The following GRIK4 variants were observed in gnomAD, a reference collection of about 807,000 sequenced individuals.
The protein encoded by GRIK4 is glutamate receptor ionotropic, kainate 4.
A neutral mutation model predicts 104.9 loss-of-function variants in GRIK4; 40 were observed. That is an observed-to-expected ratio of 0.38 (90% CI 0.30 to 0.50). GRIK4 has a LOEUF of 0.50. GRIK4 is among the 20% of genes least tolerant of loss of function. The pLI is 0.93. For synonymous variants in GRIK4, 485 were observed against 524.9 expected, an observed-to-expected ratio of 0.92 and a Z score of 1.04; for missense variants, 1,047 against 1,308.1, an observed-to-expected ratio of 0.80 and a Z score of 3.08.
At chr11:120,642,544 C>T (rs868528440) in intron 1 of GRIK4, among the ~76,000 whole-genome samples, 8 of 151,526 alleles carry the variant, frequency 5.3e-5, no homozygotes, top group African/African-American at 7.3e-5. Flanking sequence ...AGCTCCCTTC[C>T]GGATGTGAGG....
intron 3 of GRIK4, among the ~76,000 whole-genome samples, chr11:120,692,496 G>T (rs1265292868): frequency 6.6e-6 from 1 of 152,172 alleles, no homozygotes; most frequent in Admixed American, 6.5e-5. Context: ...TTTGCACTGT[G>T]GAGCCCGGGG....
intron 1 of GRIK4, among the ~76,000 whole-genome samples, chr11:120,542,373 T>C (rs1948046154): frequency 6.6e-6 from 1 of 152,114 alleles, no homozygotes; most frequent in African/African-American, 2.4e-5. Context: ...ATAGGGAAAA[T>C]GGTCCTTCAC....
intron 3 of GRIK4, among the ~76,000 whole-genome samples, chr11:120,697,200 G>A (rs546783018): frequency 6.6e-6 from 1 of 152,354 alleles, no homozygotes; most frequent in East Asian, 1.9e-4. Context: ...GGGACCATGA[G>A]AGAGAGCCTT....
chr11:120,580,208 T>G (rs1948553409), intron 1 of GRIK4, among the ~76,000 whole-genome samples: 1 of 117,898 alleles, frequency 8.5e-6, no homozygotes, highest in Non-Finnish European at 1.6e-5. Flanking sequence ...TCTTTCTTTC[T>G]TTCTTTCTTT....
At chr11:120,791,687 G>A (rs1443759033) in intron 3 of GRIK4, among the ~76,000 whole-genome samples, 1 of 152,138 alleles carries the variant, frequency 6.6e-6, no homozygotes, top group Non-Finnish European at 1.5e-5. Context: ...CTAACTCAAA[G>A]ATTTTCTTCT....
intron 3 of GRIK4, among the ~76,000 whole-genome samples, chr11:120,793,094 G>A (rs1296665839): frequency 1.3e-5 from 2 of 152,182 alleles, no homozygotes; most frequent in African/African-American, 4.8e-5. Context: ...AAGTCGTATT[G>A]CCAGCTAGTG....
intron 3 of GRIK4, among the ~76,000 whole-genome samples, chr11:120,676,079 G>C (rs1227448527): frequency 6.6e-6 from 1 of 152,102 alleles, no homozygotes; most frequent in African/African-American, 2.4e-5. Context: ...ATAGGATGGG[G>C]GGCCCCATTT....
chr11:120,950,628 T>C (rs1943978565), intron 14 of GRIK4, among the ~76,000 whole-genome samples: 1 of 152,190 alleles, frequency 6.6e-6, no homozygotes, highest in Non-Finnish European at 1.5e-5. Flanking sequence ...ACACTAGTGA[T>C]TTCTATTGCA....
chr11:120,593,099 C>T (rs925425821), intron 1 of GRIK4, among the ~76,000 whole-genome samples: 1 of 149,200 alleles, frequency 6.7e-6, no homozygotes, highest in African/African-American at 2.5e-5. Context: ...GGGAGAATCG[C>T]TTGAACCCGG....
intron 1 of GRIK4, among the ~76,000 whole-genome samples, chr11:120,644,011 C>CTG (rs369374873): frequency 0.026 from 3,139 of 122,562 alleles, 96 homozygotes; most frequent in African/African-American, 0.091. Context: ...GGGAGAGGGT[C>CTG]TGTGTGTGTG....
chr11:120,962,947 T>C (rs1482882660), intron 18 of GRIK4: 2 of 334,868 alleles, frequency 6.0e-6, no homozygotes, highest in Non-Finnish European at 1.1e-5. Flanking sequence ...TTTAAAGGGC[T>C]AATAGTAATT....
In GRIK4 at chr11:120,569,664, A is replaced by G. The variant is rs967914183; in HGVS notation, c.-159+57777A>G. Among the ~76,000 whole-genome samples, 3 of 152,184 alleles carry G rather than the reference A, an allele frequency of 2.0e-5. No individual in the cohort carries two copies. In the East Asian group the frequency reaches 5.8e-4, roughly 29 times the overall value. On this transcript the variant is annotated intron_variant, in intron 1 of 20. Transcript: ENST00000527524. ...GATGCGTAGAGTGACTTTGGGGAGA[A>G]GGGTAGGGTCATTAGCCAGGGAACA... is the stretch of plus-strand genomic sequence containing the variant.
At chr11:120,615,547 C>A (rs1223625750) in intron 1 of GRIK4, among the ~76,000 whole-genome samples, 1 of 152,202 alleles carries the variant, frequency 6.6e-6, no homozygotes, top group Non-Finnish European at 1.5e-5. Context: ...GCTGCCCGGG[C>A]TCTGGCTCTC....
chr11:120,805,311 G>A (rs1285574680), intron 4 of GRIK4, among the ~76,000 whole-genome samples: 10 of 152,120 alleles, frequency 6.6e-5, no homozygotes, highest in Non-Finnish European at 7.3e-5. Context: ...TCTCTTCTCG[G>A]TTCTTCAGGG....
chr11:120,515,212 C>G (rs1947711626), intron 1 of GRIK4, among the ~76,000 whole-genome samples: 1 of 152,164 alleles, frequency 6.6e-6, no homozygotes, highest in Non-Finnish European at 1.5e-5. Context: ...CATATATTGC[C>G]CAGCCTTCAA....
intron 1 of GRIK4, among the ~76,000 whole-genome samples, chr11:120,644,011 CTGTGTGTGTGTGTGTGTG>C (rs369374873): frequency 1.6e-5 from 2 of 122,858 alleles, no homozygotes; most frequent in African/African-American, 7.6e-5. Flanking sequence ...GGGAGAGGGT[CTGTGTGTGTGTGTGTGTG>C]TGTGTGTGTG....
In GRIK4 at chr11:120,940,450, G is replaced by A. The variant is rs766605944; in HGVS notation, c.1580G>A (p.Arg527His). The A allele has an allele frequency of 5.1e-5, 80 of 1,575,642 alleles. No individual in the cohort carries two copies. Among genetic ancestry groups the A allele is most frequent in the Non-Finnish European group, 4.5e-5 (52 of 1,145,500 alleles). ...FMTLGISILY[R>H]VHMGRKPGYF... ...ACTCTGGGAATTAGCATTCTTTACC[G>A]CGTTCATATGGTAAGAGACTTATTT... Residue 527 changes from arginine to histidine, a missense_variant, in exon 14 of 21, where the codon CGC becomes CAC. Arg to His is a conservative substitution (Grantham distance 29). This residue lies in a region of GRIK4 where 440 missense variants were observed against 652.3 expected (regional missense o/e 0.67). Transcript: ENST00000527524. The surrounding 1 kb of genome is among the most constrained non-coding windows in gnomAD (Gnocchi z 4.3).
At chr11:120,930,286 G>T (rs1352904135) in intron 13 of GRIK4, among the ~76,000 whole-genome samples, 2 of 152,256 alleles carry the variant, frequency 1.3e-5, no homozygotes, top group Non-Finnish European at 2.9e-5. Context: ...TTTTTTCAAA[G>T]ATTTGATCCC....
intron 3 of GRIK4, among the ~76,000 whole-genome samples, chr11:120,777,936 CAA>C (rs200698302): frequency 2.7e-5 from 3 of 112,278 alleles, no homozygotes; most frequent in Non-Finnish European, 1.8e-5. Context: ...GACTCCATCT[CAA>C]AAAAAAAAAA....
Sources: gnomAD v4.1 joint callset for allele counts (sites outside exome capture counted in the v4.1 genomes callset) on GRCh38, gnomAD v4.1.1 for gene constraint, gnomAD v4.1.1 regional missense constraint, Gnocchi (gnomAD v3.1) non-coding constraint, MANE v1.5 for transcripts, NCBI Gene and HGNC (gene_info 2026-07-23, HGNC 2026-07-21) for gene names.